KCNH7: variants seen among roughly 807,000 people sequenced by gnomAD.
The protein encoded by KCNH7 is voltage-gated inwardly rectifying potassium channel KCNH7.
A neutral mutation model predicts 120.8 loss-of-function variants in KCNH7; 49 were observed. The ratio of observed to expected loss-of-function variants is 0.41; its 90% CI spans 0.32 to 0.51. The LOEUF is 0.51. KCNH7 is among the 20% of genes least tolerant of loss of function. The pLI is 0.38. For missense variants in KCNH7, 1,097 were observed against 1,446.6 expected, an observed-to-expected ratio of 0.76 and a Z score of 3.92; for synonymous variants, 547 against 516.1, an observed-to-expected ratio of 1.06 and a Z score of -0.81.
intron 2 of KCNH7, among the ~76,000 whole-genome samples, chr2:162,693,830 T>G (rs1232986648): frequency 9.8e-5 from 15 of 152,310 alleles, no homozygotes; most frequent in Non-Finnish European, 2.9e-5. Flanking sequence ...GAAACTTTCC[T>G]CATGTTAACA....
chr2:162,679,727 T>G (rs185628642), intron 2 of KCNH7, among the ~76,000 whole-genome samples: 1 of 151,636 alleles, frequency 6.6e-6, no homozygotes, highest in Non-Finnish European at 1.5e-5. Context: ...TTATCTATCT[T>G]TCAGGGTGAA....
intron 9 of KCNH7, among the ~76,000 whole-genome samples, chr2:162,413,681 G>A (rs1306115579): frequency 6.6e-6 from 1 of 151,730 alleles, no homozygotes; most frequent in Non-Finnish European, 1.5e-5. Context: ...AAAAAATTTA[G>A]GAAATGACTC....
At position 162,446,069 on chromosome 2, in the gene KCNH7, C is replaced by A; in HGVS notation, c.1503G>T (p.Met501Ile). The change falls in exon 7 of 16, where the codon ATG becomes ATT. Residue 501 changes from methionine (M) to isoleucine (I), a missense_variant. Transcript: ENST00000332142. The part of the protein sequence containing the change: ...HYFKGWFLID[M>I]VAAIPFDLLI... ...GCAAGTCAAAAGGAATTGCTGCAAC[C>A]ATGTCAATCAGGAACCAGCCTTTGA... is the stretch of plus-strand genomic sequence containing the variant. 2 of 1,613,814 alleles carry A rather than the reference C, an allele frequency of 1.2e-6. No individual in the cohort carries two copies. The highest frequency in any genetic ancestry group is 8.5e-7 in the Non-Finnish European group (1 of 1,179,836).
intron 2 of KCNH7, among the ~76,000 whole-genome samples, chr2:162,815,821 C>T (rs146115570): frequency 3.9e-5 from 6 of 152,302 alleles, no homozygotes; most frequent in African/African-American, 1.4e-4. Context: ...TTCAGTCTTC[C>T]AACAAAGTTC....
intron 2 of KCNH7, among the ~76,000 whole-genome samples, chr2:162,623,265 T>A (rs1282896072): frequency 1.3e-5 from 2 of 152,178 alleles, no homozygotes; most frequent in East Asian, 3.9e-4. Context: ...GCTTTAAGCA[T>A]TTCTAAAATG....
chr2:162,529,373 A>G (rs1163884323), intron 3 of KCNH7, among the ~76,000 whole-genome samples: 1 of 151,902 alleles, frequency 6.6e-6, no homozygotes, highest in African/African-American at 2.4e-5. Context: ...GGTGACATGG[A>G]ATGTAAAAGA....
At position 162,565,244 on chromosome 2, in the gene KCNH7, T is replaced by C. The variant is rs145584000; in HGVS notation, c.308-28164A>G. Among the ~76,000 whole-genome samples, 860 of 152,196 alleles carry C rather than the reference T, an allele frequency of 5.7e-3. 9 individuals are homozygous for C. Among genetic ancestry groups the C allele is most frequent in the African/African-American group, 0.02 (811 of 41,556 alleles). On this transcript the variant is annotated intron_variant, in intron 2 of 15. Transcript: ENST00000332142. The stretch of plus-strand genomic sequence containing the variant: ...GTATTTTTTACACAACATTTAGACT[T>C]GATTAACATAAAATATTTATTTCCT...
intron 2 of KCNH7, among the ~76,000 whole-genome samples, chr2:162,828,449 A>G (rs1685364392): frequency 1.3e-5 from 2 of 152,150 alleles, no homozygotes; most frequent in South Asian, 4.1e-4. Flanking sequence ...ATGATGGGCA[A>G]CAGACATTTT....
chr2:162,489,193 T>C (rs1478638888), intron 6 of KCNH7, among the ~76,000 whole-genome samples: 3 of 152,242 alleles, frequency 2.0e-5, no homozygotes, highest in African/African-American at 7.2e-5. Context: ...GTATTTATTA[T>C]ATACGTAGCA....
chr2:162,416,359 TGA>T (rs1687541418), intron 9 of KCNH7, among the ~76,000 whole-genome samples: 1 of 143,486 alleles, frequency 7.0e-6, no homozygotes, highest in South Asian at 2.2e-4. Context: ...AGCAACAGTG[TGA>T]GACTCCGTCT....
At chr2:162,832,262 C>T (rs1685504647) in intron 2 of KCNH7, among the ~76,000 whole-genome samples, 1 of 152,064 alleles carries the variant, frequency 6.6e-6, no homozygotes, top group South Asian at 2.1e-4. Context: ...GTCTAAAAAG[C>T]TACCATCTGT....
chr2:162,452,685 A>G (rs1688812293), intron 6 of KCNH7, among the ~76,000 whole-genome samples: 1 of 152,050 alleles, frequency 6.6e-6, no homozygotes, highest in Non-Finnish European at 1.5e-5. Context: ...GCCACATTTC[A>G]GAGACTCATC....
chr2:162,691,420 C>T (rs1200650300), intron 2 of KCNH7, among the ~76,000 whole-genome samples: 7 of 152,106 alleles, frequency 4.6e-5, no homozygotes, highest in Admixed American at 3.3e-4. Flanking sequence ...AATTTGAGAA[C>T]TGATCAAAGA....
At chr2:162,722,800 T>C (rs1687364443) in intron 2 of KCNH7, among the ~76,000 whole-genome samples, 1 of 148,304 alleles carries the variant, frequency 6.7e-6, no homozygotes, top group East Asian at 2.0e-4. Flanking sequence ...TCCTTTTCAT[T>C]CATTCTTTTT....
At chr2:162,718,956 T>C (rs577320192) in intron 2 of KCNH7, among the ~76,000 whole-genome samples, 2 of 152,098 alleles carry the variant, frequency 1.3e-5, no homozygotes, top group Admixed American at 6.6e-5. Context: ...AATTTTCAGA[T>C]GCAGAAAAGA....
At chr2:162,785,414 A>G (rs549152259) in intron 2 of KCNH7, among the ~76,000 whole-genome samples, 20 of 152,292 alleles carry the variant, frequency 1.3e-4, no homozygotes, top group African/African-American at 4.3e-4. Context: ...CTATTCTATC[A>G]TTATAGTTCT....
chr2:162,567,271 C>T (rs1471550863), intron 2 of KCNH7, among the ~76,000 whole-genome samples: 2 of 151,936 alleles, frequency 1.3e-5, no homozygotes, highest in Non-Finnish European at 2.9e-5. Context: ...GCATTAAGAA[C>T]AAAAGAGATC....
At chr2:162,413,467 C>G (rs1360013568) in intron 9 of KCNH7, among the ~76,000 whole-genome samples, 2 of 152,040 alleles carry the variant, frequency 1.3e-5, no homozygotes, top group Admixed American at 6.6e-5. Flanking sequence ...AATAGAGCAG[C>G]CTTTAGAGTC....
intron 8 of KCNH7, among the ~76,000 whole-genome samples, chr2:162,434,721 AT>A (rs1688181554): frequency 6.6e-6 from 1 of 151,896 alleles, no homozygotes; most frequent in Admixed American, 6.6e-5. Flanking sequence ...ATATATATAT[AT>A]ACACATACAT....
Sources: gnomAD v4.1 joint callset for allele counts (sites outside exome capture counted in the v4.1 genomes callset) on GRCh38, gnomAD v4.1.1 for gene constraint, MANE v1.5 for transcripts, NCBI Gene and HGNC (gene_info 2026-07-23, HGNC 2026-07-21) for gene names.